Variants in ABLIM1 observed in about 807,000 individuals in gnomAD.
The protein encoded by ABLIM1 is actin-binding LIM protein 1.
Under a neutral mutation model 107.0 loss-of-function variants are expected in ABLIM1, and 40 were observed. The observed-to-expected ratio is 0.37, with a 90% CI of 0.29 to 0.49. The LOEUF (loss-of-function observed/expected upper bound fraction) is 0.49, where lower values mean the gene tolerates loss of function less well. Ranked by LOEUF, ABLIM1 falls within the 20% of genes least tolerant of loss-of-function variation. The probability of loss-of-function intolerance (pLI) is 0.97; values close to 1 mark genes in which losing one functional copy is unlikely to be tolerated. For missense variants in ABLIM1, 857 were observed against 1,008.5 expected (o/e 0.85, Z 2.04); for synonymous variants, 357 against 357.3 (o/e 1.00, Z 0.01).
intron 4 of ABLIM1, among the ~76,000 whole-genome samples, chr10:114,561,617 T>C (rs1362276718): frequency 2.0e-5 from 3 of 152,192 alleles, no homozygotes; most frequent in South Asian, 2.1e-4. Flanking sequence ...TATACAATTA[T>C]AGATACACAA....
At chr10:114,738,706 A>T (rs1174609053) in intron 1 of ABLIM1, among the ~76,000 whole-genome samples, 1 of 152,134 alleles carries the variant, frequency 6.6e-6, no homozygotes, top group East Asian at 1.9e-4. Context: ...GTGCCTCAAA[A>T]CCGAAACAAA....
chr10:114,660,219 C>T (rs1207024263), upstream of ABLIM1, among the ~76,000 whole-genome samples: 1 of 152,182 alleles, frequency 6.6e-6, no homozygotes, highest in Non-Finnish European at 1.5e-5. Flanking sequence ...GCAGGTCAAA[C>T]AATCTGTATG....
At chr10:114,492,293 T>C (rs1235352133) in intron 6 of ABLIM1, among the ~76,000 whole-genome samples, 3 of 152,082 alleles carry the variant, frequency 2.0e-5, no homozygotes, top group Non-Finnish European at 4.4e-5. Flanking sequence ...CTTTCTTGGC[T>C]AAACAATCTG....
chr10:114,528,324 T>C (rs1232247385), intron 6 of ABLIM1, among the ~76,000 whole-genome samples: 2 of 152,164 alleles, frequency 1.3e-5, no homozygotes, highest in African/African-American at 2.4e-5. Flanking sequence ...TTAGGGAGAT[T>C]ATTTGCCCAC....
chr10:114,541,004 C>A (rs2066587096), intron 6 of ABLIM1, among the ~76,000 whole-genome samples: 1 of 152,106 alleles, frequency 6.6e-6, no homozygotes, highest in South Asian at 2.1e-4. Context: ...TGGGTGGGCC[C>A]TGAATCCAAT....
intron 1 of ABLIM1, among the ~76,000 whole-genome samples, chr10:114,678,193 C>T (rs1012963013): frequency 2.0e-5 from 3 of 151,744 alleles, no homozygotes; most frequent in African/African-American, 4.8e-5. Flanking sequence ...AAAACATGAA[C>T]GTTCTTAGCA....
At chr10:114,481,264 A>C (rs2057325072) in intron 8 of ABLIM1, among the ~76,000 whole-genome samples, 1 of 152,042 alleles carries the variant, frequency 6.6e-6, no homozygotes, top group Non-Finnish European at 1.5e-5. Context: ...AGTGCTGGGA[A>C]GCACTTTGTA....
At chr10:114,719,309 C>T (rs2081782102) in intron 1 of ABLIM1, among the ~76,000 whole-genome samples, 1 of 152,176 alleles carries the variant, frequency 6.6e-6, no homozygotes, top group Non-Finnish European at 1.5e-5. Flanking sequence ...AGGCAGTTTA[C>T]ACAGATGATC....
At chr10:114,493,330 A>G (rs1394098410) in intron 6 of ABLIM1, among the ~76,000 whole-genome samples, 1 of 152,226 alleles carries the variant, frequency 6.6e-6, no homozygotes, top group Non-Finnish European at 1.5e-5. Context: ...TGAAAAAATA[A>G]AGGCCCCTTG....
At chr10:114,701,667 C>T (rs552667634) in intron 1 of ABLIM1, among the ~76,000 whole-genome samples, 1 of 152,238 alleles carries the variant, frequency 6.6e-6, no homozygotes, top group African/African-American at 2.4e-5. Context: ...TTACACAAAA[C>T]AGTGCGTAGT....
intron 2 of ABLIM1, among the ~76,000 whole-genome samples, chr10:114,578,303 C>T (rs2072870276): frequency 6.6e-6 from 1 of 152,222 alleles, no homozygotes; most frequent in African/African-American, 2.4e-5. Context: ...AGTTGCTCTG[C>T]CATCCCCCAT....
intron 8 of ABLIM1, among the ~76,000 whole-genome samples, chr10:114,477,593 A>G (rs1261204922): frequency 6.6e-6 from 1 of 152,254 alleles, no homozygotes; most frequent in Non-Finnish European, 1.5e-5. Flanking sequence ...ATGTACTGGT[A>G]GAAACAGAGC....
At chr10:114,508,831 T>TAAACTTTGTCCCTGAACCC (rs1385131005) in intron 6 of ABLIM1, among the ~76,000 whole-genome samples, 1 of 152,236 alleles carries the variant, frequency 6.6e-6, no homozygotes, top group East Asian at 1.9e-4. Context: ...ACACAGTGAT[T>TAAACTTTGTCCCTGAACCC]AAACTTTGTC....
At chr10:114,568,787 C>G (rs1373953001) in intron 4 of ABLIM1, among the ~76,000 whole-genome samples, 1 of 152,188 alleles carries the variant, frequency 6.6e-6, no homozygotes, top group Non-Finnish European at 1.5e-5. Context: ...ACAATTTGCA[C>G]ATAAGCAATG....
At chr10:114,785,484 T>C in the ABLIM1 span, among the ~76,000 whole-genome samples, 86,439 of 151,974 alleles carry the variant, frequency 0.57, 25,172 homozygotes, top group Non-Finnish European at 0.64. Context: ...GATGTTTTTT[T>C]CCTTTGGCTT....
chr10:114,712,964 C>T (rs2081584290), intron 1 of ABLIM1, among the ~76,000 whole-genome samples: 1 of 152,080 alleles, frequency 6.6e-6, no homozygotes, highest in South Asian at 2.1e-4. Flanking sequence ...ATGGGAGGAT[C>T]CCTTGAGCCC....
chr10:114,559,438 C>CAAA (rs72456292), intron 4 of ABLIM1, among the ~76,000 whole-genome samples: 13 of 49,348 alleles, frequency 2.6e-4, no homozygotes, highest in South Asian at 1.1e-3. Context: ...ACTCGTCTCT[C>CAAA]AAAAAAAAAA....
At chr10:114,757,107 T>A (rs1425918160) in intron 1 of ABLIM1, among the ~76,000 whole-genome samples, 2 of 152,234 alleles carry the variant, frequency 1.3e-5, no homozygotes, top group East Asian at 3.8e-4. Flanking sequence ...TGGTTTATTT[T>A]TTCTTCCTTA....
chr10:114,579,449 GTT>G (rs2073087499), intron 2 of ABLIM1, among the ~76,000 whole-genome samples: 1 of 152,168 alleles, frequency 6.6e-6, no homozygotes, highest in African/African-American at 2.4e-5. Flanking sequence ...GATAAGTCAT[GTT>G]TTTATGAACT....
Sources: allele counts gnomAD v4.1 joint callset (sites outside exome capture counted in the v4.1 genomes callset), GRCh38; gene constraint gnomAD v4.1.1; transcripts MANE v1.5; gene names NCBI Gene and HGNC (gene_info 2026-07-23, HGNC 2026-07-21).